The following LARGE1 variants were observed in gnomAD, a reference collection of about 807,000 sequenced individuals.
The protein encoded by LARGE1 is LARGE xylosyl- and glucuronyltransferase 1, also known as xylosyl- and glucuronyltransferase LARGE1.
Under a neutral mutation model 87.6 loss-of-function variants are expected in LARGE1, and 43 were observed. That is an observed-to-expected ratio of 0.49 (90% CI 0.38 to 0.63). The LOEUF (loss-of-function observed/expected upper bound fraction) is 0.63, where lower values mean the gene tolerates loss of function less well. LARGE1 is among the 30% of genes least tolerant of loss of function. The probability of loss-of-function intolerance (pLI) is 0.00; values close to 1 mark genes in which losing one functional copy is unlikely to be tolerated. For missense variants in LARGE1, 802 were observed against 1,000.2 expected (o/e 0.80, Z 2.67); for synonymous variants, 434 against 394.6 (o/e 1.10, Z -1.18).
At chr22:33,812,662 T>C (rs2086533202) in intron 1 of LARGE1, among the ~76,000 whole-genome samples, 1 of 152,230 alleles carries the variant, frequency 6.6e-6, no homozygotes, top group East Asian at 1.9e-4. Flanking sequence ...ATGATCCCCT[T>C]GGGGTTCTGG....
intron 1 of LARGE1, among the ~76,000 whole-genome samples, chr22:33,763,460 C>T (rs1437013284): frequency 6.6e-6 from 1 of 152,162 alleles, no homozygotes; most frequent in African/African-American, 2.4e-5. Flanking sequence ...AAAAAGTCCC[C>T]TCTAGGGAAT....
chr22:33,088,240 G>C, the LARGE1 span, among the ~76,000 whole-genome samples: 197 of 152,116 alleles, frequency 1.3e-3, 4 homozygotes, highest in East Asian at 0.035. Context: ...AGGTTGGAGG[G>C]GTCTAGAAAA....
chr22:33,346,292 CTCCTTCTTCT>C (rs1490160578), intron 9 of LARGE1, among the ~76,000 whole-genome samples: 4 of 150,030 alleles, frequency 2.7e-5, no homozygotes, highest in Non-Finnish European at 3.0e-5. Context: ...CCTCCTCCTC[CTCCTTCTTCT>C]TTTTCTTTTT....
intron 2 of LARGE1, among the ~76,000 whole-genome samples, chr22:33,748,813 G>A (rs1249553107): frequency 6.6e-6 from 1 of 152,186 alleles, no homozygotes; most frequent in East Asian, 1.9e-4. Flanking sequence ...AAGTGCCAGT[G>A]CATTTATGAC....
At chr22:33,527,025 G>A (rs1247204375) in intron 6 of LARGE1, among the ~76,000 whole-genome samples, 1 of 152,230 alleles carries the variant, frequency 6.6e-6, no homozygotes, top group Non-Finnish European at 1.5e-5. Flanking sequence ...GAGAGGCCGA[G>A]GCGGGTGGAT....
chr22:33,638,312 C>T lies in LARGE1; in HGVS notation c.409-11986G>A, dbSNP rs137944095. Among the ~76,000 whole-genome samples the T allele has an allele frequency of 4.4e-3, 667 of 152,340 alleles. 19 individuals carry two copies. Among genetic ancestry groups the T allele is most frequent in the Admixed American group, 0.039 (596 of 15,304 alleles). On this transcript the variant is annotated intron_variant, in intron 3 of 14. Coordinates refer to ENST00000397394, the MANE Select transcript of LARGE1 (RefSeq NM_133642.5). The stretch of plus-strand genomic sequence containing the variant: ...CATGTTGCCTCCAGCAAAATGCAAA[C>T]GCCCCACTAAGCTAATAAATACATC...
chr22:33,433,607 CAAA>C (rs57605083), intron 6 of LARGE1, among the ~76,000 whole-genome samples: 121 of 88,270 alleles, frequency 1.4e-3, no homozygotes, highest in Middle Eastern at 0.01. Flanking sequence ...AAAAACAAAA[CAAA>C]AAAAAAAAAA....
rs558332364 is a variant in LARGE1, at chr22:33,789,789, G to A, written c.-82-28231C>T. Among the ~76,000 whole-genome samples, 20 of 152,334 alleles carry A rather than the reference G, an allele frequency of 1.3e-4. No homozygotes were observed. The East Asian group carries it at 2.7e-3, about 21-fold the overall frequency. On this transcript the variant is annotated intron_variant, in intron 1 of 14. Coordinates refer to ENST00000397394, the MANE Select transcript of LARGE1 (RefSeq NM_133642.5). ...CATTTTGGCCAATGTCTCCAATTTGGAATGGGAATTTTTACCCAAGCCCTG... is the reference window on the plus strand; with the variant it reads ...CATTTTGGCCAATGTCTCCAATTTGAAATGGGAATTTTTACCCAAGCCCTG...
chr22:33,744,180 A>T (rs1397553226), intron 2 of LARGE1: 1 of 152,244 alleles, frequency 6.6e-6, no homozygotes, highest in Non-Finnish European at 1.5e-5. Context: ...GAATAAAACA[A>T]GTATCTGCAA....
intron 2 of LARGE1, among the ~76,000 whole-genome samples, chr22:33,664,484 C>T (rs1046537026): frequency 2.6e-5 from 4 of 152,212 alleles, no homozygotes; most frequent in Non-Finnish European, 5.9e-5. Flanking sequence ...AGTTCTGGGA[C>T]CTTTTACCTG....
At chr22:33,593,071 C>A (rs908488404) in intron 5 of LARGE1, among the ~76,000 whole-genome samples, 4 of 152,194 alleles carry the variant, frequency 2.6e-5, no homozygotes, top group Non-Finnish European at 2.9e-5. Context: ...AATCTCTTGA[C>A]CTTGTGATCC....
chr22:33,756,481 A>G (rs930760018), intron 2 of LARGE1, among the ~76,000 whole-genome samples: 7 of 152,202 alleles, frequency 4.6e-5, no homozygotes, highest in Non-Finnish European at 8.8e-5. Flanking sequence ...GTCAGGAGCA[A>G]TTAATTGTGT....
chr22:33,323,070 C>T (rs770971033), intron 10 of LARGE1, among the ~76,000 whole-genome samples: 3 of 152,054 alleles, frequency 2.0e-5, no homozygotes, highest in Non-Finnish European at 2.9e-5. Context: ...TGCAGTGAGC[C>T]GAGATCACGC....
intron 7 of LARGE1, among the ~76,000 whole-genome samples, chr22:33,399,439 T>C (rs1260100474): frequency 1.3e-5 from 2 of 152,222 alleles, no homozygotes; most frequent in South Asian, 4.1e-4. Context: ...AGTGCTGCAA[T>C]AAACATACGT....
At chr22:33,696,777 T>C (rs2082266390) in intron 2 of LARGE1, among the ~76,000 whole-genome samples, 1 of 152,270 alleles carries the variant, frequency 6.6e-6, no homozygotes, top group Non-Finnish European at 1.5e-5. Flanking sequence ...AATTCCATTG[T>C]AATTTACCTA....
exon 12 of LARGE1, chr22:33,163,621 G>GCTAA (rs1393934396): frequency 2.0e-5 from 3 of 152,210 alleles, no homozygotes. Flanking sequence ...ACAGGGAAGG[G>GCTAA]CTAAGTACAG....
intron 1 of LARGE1, among the ~76,000 whole-genome samples, chr22:33,855,139 C>A (rs1324977018): frequency 6.6e-6 from 1 of 152,130 alleles, no homozygotes; most frequent in Non-Finnish European, 1.5e-5. Flanking sequence ...CCGAGACCAT[C>A]CTGGCAAACA....
At chr22:33,231,421 T>G (rs1447264287) in intron 11 of LARGE1, among the ~76,000 whole-genome samples, 1 of 152,242 alleles carries the variant, frequency 6.6e-6, no homozygotes, top group East Asian at 1.9e-4. Context: ...TATGACACAT[T>G]TCATAGGGCA....
chr22:33,478,685 C>G (rs2069181699), intron 6 of LARGE1, among the ~76,000 whole-genome samples: 1 of 152,202 alleles, frequency 6.6e-6, no homozygotes, highest in Non-Finnish European at 1.5e-5. Context: ...CACAGGATTT[C>G]TGTGTGAATT....
Sources: allele counts gnomAD v4.1 joint callset (sites outside exome capture counted in the v4.1 genomes callset), GRCh38; gene constraint gnomAD v4.1.1; transcripts MANE v1.5; gene names NCBI Gene and HGNC (gene_info 2026-07-23, HGNC 2026-07-21).